Variants in DEAF1 observed in about 807,000 individuals in gnomAD.
DEAF1 encodes the protein DEAF1 transcription factor.
Under a neutral mutation model 58.9 loss-of-function variants are expected in DEAF1, and 53 were observed. That is an observed-to-expected ratio of 0.90 (90% confidence interval 0.72 to 1.13). DEAF1 has a LOEUF of 1.13. DEAF1 is among the 50% of genes most tolerant of loss of function. DEAF1 has a pLI of 0.00. For synonymous variants in DEAF1, 385 were observed against 340.4 expected (o/e 1.13, Z -1.44); for missense variants, 685 against 791.4 (o/e 0.87, Z 1.61).
chr11:702,873 C>A, intron 1 of DEAF1: 1 of 1,452,350 alleles, frequency 6.9e-7, no homozygotes, highest in Non-Finnish European at 9.4e-7. Context: ...AGCAGCCCTC[C>A]AGGCACCTGT....
intron 6 of DEAF1, among the ~76,000 whole-genome samples, chr11:684,110 G>A (rs1419049882): frequency 6.8e-6 from 1 of 147,552 alleles, no homozygotes; most frequent in African/African-American, 2.5e-5. Context: ...AACACGGTAG[G>A]TCTCTCCATG....
chr11:703,462 A>G, intron 1 of DEAF1: 1 of 1,270,086 alleles, frequency 7.9e-7, no homozygotes. Flanking sequence ...AGGCCTCCAC[A>G]GACCCCCATG....
chr11:658,211 G>A (rs1303628585), intron 10 of DEAF1, among the ~76,000 whole-genome samples: 9 of 152,110 alleles, frequency 5.9e-5, no homozygotes, highest in South Asian at 2.1e-4. Flanking sequence ...GGCGGATCAC[G>A]AGGTCAGGAG....
upstream of DEAF1, chr11:699,231 T>C: frequency 2.7e-6 from 1 of 368,616 alleles, no homozygotes; most frequent in Non-Finnish European, 5.0e-6. Flanking sequence ...TTTGTTTGTT[T>C]ATGTTTTTTT....
At chr11:679,856 G>A (rs1677940772) in intron 7 of DEAF1, 40 bp from the exon 8 acceptor site, 1 of 1,609,000 alleles carries the variant, frequency 6.2e-7, no homozygotes, top group Admixed American at 1.7e-5. Flanking sequence ...CCAGGCAGTG[G>A]CGCCCACGGC....
In DEAF1 at chr11:660,756, G is replaced by A. The variant is rs914837563; in HGVS notation, c.1504-6705C>T. On this transcript the variant is annotated intron_variant, in intron 10 of 11. Coordinates refer to ENST00000382409, the MANE Select transcript of DEAF1 (RefSeq NM_021008.4). ...GTCTGGCCGGGCCTATTTGGCTCACGTGAGTGTTAGGCTGACACTGGAGAA... is the reference window on the plus strand; with the variant it reads ...GTCTGGCCGGGCCTATTTGGCTCACATGAGTGTTAGGCTGACACTGGAGAA... Among the ~76,000 whole-genome samples the A allele has an allele frequency of 4.6e-5, 7 of 152,250 alleles. No individual in the cohort carries two copies. The East Asian group carries it at 5.8e-4, about 13-fold the overall frequency.
At chr11:695,638 T>A (rs957539325), upstream of DEAF1, 16 of 1,244,824 alleles carry the variant, frequency 1.3e-5, no homozygotes, top group African/African-American at 1.6e-5. Flanking sequence ...CTCCACCTCT[T>A]CCCTTCCGAA....
chr11:682,187 G>C (rs1860406817), intron 6 of DEAF1, among the ~76,000 whole-genome samples: 1 of 152,182 alleles, frequency 6.6e-6, no homozygotes, highest in African/African-American at 2.4e-5. Context: ...CCTGATCTCT[G>C]TTAAGCTGTT....
intron 10 of DEAF1, chr11:654,686 T>C (rs1237657743): frequency 6.6e-6 from 3 of 452,052 alleles, no homozygotes; most frequent in Admixed American, 2.4e-5. Context: ...ACAGGCAACG[T>C]TGCGAAACCC....
At chr11:660,673 T>G (rs1362784650) in intron 10 of DEAF1, among the ~76,000 whole-genome samples, 2 of 152,208 alleles carry the variant, frequency 1.3e-5, no homozygotes, top group Admixed American at 6.5e-5. Context: ...AGGACGTTGG[T>G]CCAGTCCGGC....
At chr11:686,209 C>G (rs991149615) in intron 5 of DEAF1, among the ~76,000 whole-genome samples, 1 of 148,578 alleles carries the variant, frequency 6.7e-6, no homozygotes, top group African/African-American at 2.5e-5. Flanking sequence ...GGACAATCCT[C>G]TGAGCCTGGG....
intron 10 of DEAF1, among the ~76,000 whole-genome samples, chr11:670,777 G>GTTTTTTTT (rs1250514235): frequency 6.3e-4 from 12 of 18,970 alleles, no homozygotes; most frequent in Non-Finnish European, 8.0e-4. Context: ...TTTTGTTTTT[G>GTTTTTTTT]TTTTTTTTTT....
Position 695,032 on chromosome 11 carries a change from A to G in DEAF1, c.16T>C (p.Ser6Pro). The G allele has an allele frequency of 7.2e-7, 1 of 1,385,216 alleles. No homozygotes were observed. The allele number at this position is 1,385,216 out of a possible 1,614,324, so 85.8% of individuals were successfully genotyped here. ...GCCAGGCCCAGCTGCTTTGCCGCCG[A>G]GTCCGAGTCCTCCATCCGGACTCCG... is the stretch of plus-strand genomic sequence containing the variant. MEDSDSAAKQLGLAEA... is the reference protein window; with the variant it reads MEDSDPAAKQLGLAEA... The change falls in exon 1 of 12, where the codon TCG becomes CCG. Residue 6 changes from serine to proline, a missense_variant. Physicochemically the swap from Ser to Pro is moderately conservative, Grantham distance 74. This residue lies in a region of DEAF1 where 210 missense variants were observed against 177.3 expected (regional missense o/e 1.18). Transcript: ENST00000382409.
intron 9 of DEAF1, among the ~76,000 whole-genome samples, chr11:676,949 A>G (rs1414397246): frequency 6.6e-6 from 1 of 152,150 alleles, no homozygotes; most frequent in South Asian, 2.1e-4. Context: ...GCACATGAGA[A>G]CATTTCTGAC....
intron 7 of DEAF1, among the ~76,000 whole-genome samples, chr11:680,527 C>CT (rs1347278541): frequency 1.3e-5 from 2 of 152,156 alleles, no homozygotes; most frequent in Non-Finnish European, 2.9e-5. Context: ...AGAGCAGTGC[C>CT]TGAGCCTGGG....
At chr11:645,246 A>G (rs922101559) in intron 11 of DEAF1, among the ~76,000 whole-genome samples, 16 of 152,204 alleles carry the variant, frequency 1.1e-4, no homozygotes, top group African/African-American at 3.9e-4. Flanking sequence ...TAAACAAAAA[A>G]TATCACACAT....
Position 654,059 on chromosome 11 carries a change from A to G in DEAF1, c.1504-8T>C, listed in dbSNP as rs751991928. The G allele has an allele frequency of 2.6e-5, 42 of 1,612,444 alleles. No individual in the cohort carries two copies. The highest frequency in any genetic ancestry group is 2.4e-4 in the African/African-American group (18 of 74,926). ...GCAGTTAACGCAGGACTGCTGCAAG[A>G]AGGACACAACAGGCCAGTCAGTGAC... On this transcript the variant is annotated splice_polypyrimidine_tract_variant and splice_region_variant and intron_variant, in intron 10 of 11. Coordinates refer to ENST00000382409, the MANE Select transcript of DEAF1 (RefSeq NM_021008.4).
chr11:660,832 G>A (rs1374634106), intron 10 of DEAF1, among the ~76,000 whole-genome samples: 1 of 152,192 alleles, frequency 6.6e-6, no homozygotes, highest in African/African-American at 2.4e-5. Context: ...TGGACTTCAA[G>A]GAAATGTCAC....
chr11:704,225 G>A (rs951788988), intron 1 of DEAF1: 1 of 926,298 alleles, frequency 1.1e-6, no homozygotes, highest in East Asian at 6.4e-5. Flanking sequence ...TTCCTGGCTG[G>A]CCTCGCCCTC....
Sources: gnomAD v4.1 joint callset for allele counts (sites outside exome capture counted in the v4.1 genomes callset) on GRCh38, gnomAD v4.1.1 for gene constraint, gnomAD v4.1.1 regional missense constraint, MANE v1.5 for transcripts, NCBI Gene and HGNC (gene_info 2026-07-23, HGNC 2026-07-21) for gene names.